ZUP1: variants seen among roughly 807,000 people sequenced by gnomAD.
The protein encoded by ZUP1 is zinc finger-containing ubiquitin peptidase 1.
Under a neutral mutation model 68.1 loss-of-function variants are expected in ZUP1, and 55 were observed. The observed-to-expected ratio is 0.81, with a 90% CI of 0.65 to 1.01. The LOEUF is 1.01. ZUP1 is among the 50% of genes least tolerant of loss of function. The pLI is 0.00. For missense variants in ZUP1, 684 were observed against 674.9 expected, an observed-to-expected ratio of 1.01 and a Z score of -0.15; for synonymous variants, 223 against 221.5, an observed-to-expected ratio of 1.01 and a Z score of -0.06.
rs181389756 is a variant in ZUP1, at chr6:116,656,942, T to A, written c.793-90A>T. The A allele has an allele frequency of 2.1e-3, 1,913 of 903,296 alleles. 9 individuals are homozygous for A. Among genetic ancestry groups the A allele is most frequent in the Non-Finnish European group, 1.8e-3 (1,164 of 629,198 alleles). The allele number at this position is 903,296 out of a possible 1,614,324, so 56.0% of individuals were successfully genotyped here. A position where few individuals can be genotyped will look rare whatever the true frequency, so the allele number is the denominator to read the frequency against. On this transcript the variant is annotated intron_variant, in intron 4 of 9. Coordinates refer to ENST00000368576, the MANE Select transcript of ZUP1 (RefSeq NM_145062.3). ...TATTAAAATTTTATTTGGAAACATG[T>A]TGAAACATTCTGGTTTATAGACTTT...
At chr6:116,654,998 T>C (rs1309336485) in intron 5 of ZUP1, among the ~76,000 whole-genome samples, 1 of 152,126 alleles carries the variant, frequency 6.6e-6, no homozygotes, top group Non-Finnish European at 1.5e-5. Flanking sequence ...GTTCTGGATG[T>C]AATACTAGAG....
chr6:116,666,401 G>C (rs1777010765), intron 2 of ZUP1, among the ~76,000 whole-genome samples: 3 of 152,286 alleles, frequency 2.0e-5, no homozygotes, highest in South Asian at 4.1e-4. Context: ...CTGGAAACTA[G>C]ACAGAAAGTT....
At chr6:116,664,742 A>T (rs1776948431) in intron 2 of ZUP1, among the ~76,000 whole-genome samples, 1 of 152,108 alleles carries the variant, frequency 6.6e-6, no homozygotes, top group African/African-American at 2.4e-5. Context: ...GAGACCAGAA[A>T]CTGGCCCACA....
intron 2 of ZUP1, among the ~76,000 whole-genome samples, chr6:116,663,276 T>C (rs1002829909): frequency 3.3e-5 from 5 of 152,220 alleles, no homozygotes; most frequent in Admixed American, 1.3e-4. Context: ...TTCTTTACTT[T>C]CCAGCCCAGA....
chr6:116,658,820 C>G lies in ZUP1; in HGVS notation c.775G>C (p.Glu259Gln). ...RSEESRQEIE[E>Q]FQKLQRQYGL... ...CTTTGTACCTGCAGCTTCTGAAATT[C>G]TTCTATTTCTTGTCTTGATTCTTCA... The change falls in exon 4 of 10, where the codon GAA becomes CAA. Residue 259 changes from glutamate to glutamine, a missense_variant. Glu to Gln is a conservative substitution (Grantham distance 29). Transcript: ENST00000368576. 6.3e-7 allele frequency: 1 copy of G among 1,592,576 alleles called. No homozygotes were observed. Among genetic ancestry groups the G allele is most frequent in the Non-Finnish European group, 8.6e-7 (1 of 1,166,368 alleles).
chr6:116,643,588 A>C (rs1776191490), intron 9 of ZUP1, among the ~76,000 whole-genome samples: 1 of 152,210 alleles, frequency 6.6e-6, no homozygotes, highest in Admixed American at 6.5e-5. Flanking sequence ...GCAATGGGGA[A>C]AGGATTTCCT....
chr6:116,643,538 T>C (rs534921939), intron 9 of ZUP1, among the ~76,000 whole-genome samples: 1 of 152,150 alleles, frequency 6.6e-6, no homozygotes, highest in African/African-American at 2.4e-5. Flanking sequence ...ATGCCGCATA[T>C]CTACAACTAT....
intron 4 of ZUP1, among the ~76,000 whole-genome samples, chr6:116,657,824 C>T (rs2114271316): frequency 6.6e-6 from 1 of 152,336 alleles, no homozygotes; most frequent in Admixed American, 6.5e-5. Context: ...GGCACGGTGG[C>T]TCATGCCTAT....
chr6:116,645,799 T>G lies in ZUP1; in HGVS notation c.1604A>C (p.Gln535Pro). Residue 535 changes from glutamine (Q) to proline (P), a missense_variant, in exon 9 of 10, where the codon CAA becomes CCA. Coordinates refer to ENST00000368576, the MANE Select transcript of ZUP1 (RefSeq NM_145062.3). The stretch of plus-strand genomic sequence containing the variant: ...TAAATTTCCCATAGATTTCCGAAGT[T>G]GCTTGAGACTGCTAGCCTCTATGTC... ...KQDIEASSLK[Q>P]LRKSMGNLKH... 2 of 1,614,008 alleles carry G rather than the reference T, an allele frequency of 1.2e-6. No individual in the cohort carries two copies. The highest frequency in any genetic ancestry group is 3.3e-5 in the Admixed American group (2 of 60,030).
rs777697561 is a variant in ZUP1, at chr6:116,656,792, T to C, written c.853A>G (p.Ile285Val). The change falls in exon 5 of 10, where the codon ATA becomes GTA. Residue 285 changes from isoleucine to valine, a missense_variant. Physicochemically the swap from Ile to Val is conservative, Grantham distance 29. Coordinates refer to ENST00000368576, the MANE Select transcript of ZUP1 (RefSeq NM_145062.3). ...YKQQQLRNMEIEVNRGRMPPS... is the reference protein window; with the variant it reads ...YKQQQLRNMEVEVNRGRMPPS... ...GGCATTCTTCCCCTATTTACTTCTA[T>C]CTCCATATTTCGTAGTTGTTGTTGT... 2.0e-5 allele frequency: 32 copies of C among 1,610,574 alleles called. No homozygotes were observed. Among genetic ancestry groups the C allele is most frequent in the Non-Finnish European group, 2.6e-5 (31 of 1,177,684 alleles).
chr6:116,663,128 A>G (rs1279791682), intron 2 of ZUP1, among the ~76,000 whole-genome samples: 4 of 152,220 alleles, frequency 2.6e-5, no homozygotes, highest in African/African-American at 4.8e-5. Context: ...TCAATTTCAA[A>G]TATCACTCCC....
chr6:116,655,174 G>A (rs1334009034), intron 5 of ZUP1, among the ~76,000 whole-genome samples: 1 of 151,950 alleles, frequency 6.6e-6, no homozygotes, highest in Admixed American at 6.6e-5. Flanking sequence ...TAAATTATAA[G>A]AGTAGAAAAC....
intron 2 of ZUP1, among the ~76,000 whole-genome samples, chr6:116,662,737 C>A (rs1272393458): frequency 1.3e-5 from 2 of 152,168 alleles, no homozygotes; most frequent in Middle Eastern, 3.2e-3. Context: ...AGCCCCCTAA[C>A]ACACAGGCAA....
chr6:116,655,484 A>C (rs924281451), intron 5 of ZUP1, among the ~76,000 whole-genome samples: 1 of 152,238 alleles, frequency 6.6e-6, no homozygotes, highest in African/African-American at 2.4e-5. Context: ...AAAAGTGTAC[A>C]TAAAGGGCTT....
At chr6:116,660,143 G>A (rs1200663409) in intron 3 of ZUP1, 3 of 152,266 alleles carry the variant, frequency 2.0e-5, no homozygotes, top group African/African-American at 7.2e-5. Flanking sequence ...TGAGTGAGCA[G>A]TAACATTGTC....
intron 9 of ZUP1, among the ~76,000 whole-genome samples, chr6:116,638,753 G>A (rs573207100): frequency 6.6e-5 from 10 of 152,248 alleles, no homozygotes; most frequent in Non-Finnish European, 1.3e-4. Flanking sequence ...CTCCCAGCAT[G>A]AGTGACGCAG....
At chr6:116,650,124 T>C (rs1776434869) in intron 7 of ZUP1, among the ~76,000 whole-genome samples, 1 of 151,820 alleles carries the variant, frequency 6.6e-6, no homozygotes, top group Non-Finnish European at 1.5e-5. Flanking sequence ...ATGATAAACT[T>C]AGAAGGTAAA....
At chr6:116,658,489 T>C (rs1250861328) in intron 4 of ZUP1, among the ~76,000 whole-genome samples, 1 of 152,182 alleles carries the variant, frequency 6.6e-6, no homozygotes. Flanking sequence ...GCAAGCTTTA[T>C]CACTAATTAG....
At position 116,654,804 on chromosome 6, in the gene ZUP1, C is replaced by G. The variant is rs1776616726; in HGVS notation, c.961+1880G>C. On this transcript the variant is annotated intron_variant, in intron 5 of 9. Transcript: ENST00000368576. ...AAGAGGAAACTAACTCAGGAGTAAT[C>G]CAGAAAATGCAAATTAAAACATGTA... Among the ~76,000 whole-genome samples the G allele has an allele frequency of 2.0e-5, 3 of 151,946 alleles. No homozygotes were observed. In the South Asian group the frequency reaches 6.2e-4, roughly 31 times the overall value.
Sources: allele counts gnomAD v4.1 joint callset (sites outside exome capture counted in the v4.1 genomes callset), GRCh38; gene constraint gnomAD v4.1.1; transcripts MANE v1.5; gene names NCBI Gene and HGNC (gene_info 2026-07-23, HGNC 2026-07-21).